Variants in LINC00237 observed in about 807,000 individuals in gnomAD.
LINC00237 encodes long intergenic non-protein coding RNA 237.
At chr20:21,100,463 G>A (rs2030916125) in intron 1 of LINC00237, among the ~76,000 whole-genome samples, 1 of 152,254 alleles carries the variant, frequency 6.6e-6, no homozygotes, top group African/African-American at 2.4e-5. Context: ...CTAGGGGCCC[G>A]GCGTGGAAGC....
At position 21,101,075 on chromosome 20, in the gene LINC00237, C is replaced by T. The variant is rs1306762646; in HGVS notation, n.88+5196G>A. ...GCCCCACCGAGAGCCGCTGAATGGG[C>T]GTGATTAGCATGTGAAAAGGCGAGC... is the stretch of plus-strand genomic sequence containing the variant. On this transcript the variant is annotated intron_variant and non_coding_transcript_variant, in intron 1 of 3. Transcript: ENST00000691244. This position sits in a 1 kb window ranked among gnomAD's most constrained non-coding sequence, Gnocchi z 4.3. Among the ~76,000 whole-genome samples, 2 of 152,074 alleles carry T rather than the reference C, an allele frequency of 1.3e-5. No individual in the cohort carries two copies. Among genetic ancestry groups the T allele is most frequent in the African/African-American group, 4.8e-5 (2 of 41,408 alleles).
At chr20:21,097,015 T>A (rs2030867230) in intron 1 of LINC00237, among the ~76,000 whole-genome samples, 1 of 152,146 alleles carries the variant, frequency 6.6e-6, no homozygotes, top group Admixed American at 6.5e-5. Context: ...TATGTGACAC[T>A]CAACCTGTCG....
intron 2 of LINC00237, among the ~76,000 whole-genome samples, chr20:21,091,660 CT>C (rs1384706288): frequency 1.3e-5 from 2 of 152,174 alleles, no homozygotes; most frequent in African/African-American, 4.8e-5. Context: ...CAACCAAATA[CT>C]AAAAAGGGGT....
rs1414595863 is a variant in LINC00237 at position 21,101,716 on chromosome 20, GCCT to G, written n.88+4552_88+4554del. On this transcript the variant is annotated intron_variant and non_coding_transcript_variant, in intron 1 of 3. Coordinates refer to ENST00000691244, the Ensembl canonical transcript of LINC00237. The surrounding 1 kb of genome is among the most constrained non-coding windows in gnomAD (Gnocchi z 4.3). ...CTTCGAATTTAACCGCCCAGTGCCT[GCCT>G]CCTGGAAAAGCTGTCACGATTGGGC... Among the ~76,000 whole-genome samples the G allele has an allele frequency of 6.6e-6, 1 of 152,272 alleles. No individual in the cohort carries two copies. Among genetic ancestry groups the G allele is most frequent in the African/African-American group, 2.4e-5 (1 of 41,486 alleles).
intron 3 of LINC00237, chr20:21,087,718 A>G (rs1462872471): frequency 2.0e-5 from 3 of 152,330 alleles, no homozygotes; most frequent in Non-Finnish European, 4.4e-5. Context: ...TTCTTAAATT[A>G]CCATTTCTTA....
chr20:21,097,127 C>T (rs1178863468), intron 1 of LINC00237, among the ~76,000 whole-genome samples: 1 of 152,184 alleles, frequency 6.6e-6, no homozygotes, highest in Non-Finnish European at 1.5e-5. Context: ...AGAACCTGAA[C>T]TTGCTTCTGT....
At chr20:21,106,342 C>A (rs1318503260) in exon 1 of LINC00237, 1 of 152,246 alleles carries the variant, frequency 6.6e-6, no homozygotes, top group Admixed American at 6.5e-5. Flanking sequence ...GGGCTCCGCG[C>A]GCAGCCCAGT....
At chr20:21,085,994 C>T (rs1216025010) in intron 3 of LINC00237, among the ~76,000 whole-genome samples, 2 of 152,166 alleles carry the variant, frequency 1.3e-5, no homozygotes, top group Admixed American at 1.3e-4. Flanking sequence ...GGAGATTAGC[C>T]CTGGTGGAAG....
intron 3 of LINC00237, among the ~76,000 whole-genome samples, chr20:21,087,328 T>A (rs2030726626): frequency 6.6e-6 from 1 of 152,094 alleles, no homozygotes; most frequent in South Asian, 2.1e-4. Context: ...TAGAGAGCCA[T>A]GGCATGGATG....
intron 1 of LINC00237, among the ~76,000 whole-genome samples, chr20:21,099,588 C>T (rs1243695627): frequency 6.6e-6 from 1 of 152,154 alleles, no homozygotes; most frequent in Admixed American, 6.5e-5. Flanking sequence ...AGCCCCACTC[C>T]CCAACATATT....
intron 1 of LINC00237, among the ~76,000 whole-genome samples, chr20:21,104,915 T>G (rs1280103151): frequency 6.6e-6 from 1 of 152,226 alleles, no homozygotes; most frequent in Non-Finnish European, 1.5e-5. Flanking sequence ...CCCATTTGGT[T>G]GTTCATGATT....
At chr20:21,102,184 T>C (rs2030941553) in intron 1 of LINC00237, among the ~76,000 whole-genome samples, 1 of 152,208 alleles carries the variant, frequency 6.6e-6, no homozygotes, top group Admixed American at 6.5e-5. Context: ...CGGCTCCGCG[T>C]CCCCACTTCA....
At chr20:21,092,082 T>C (rs1260397618) in intron 2 of LINC00237, among the ~76,000 whole-genome samples, 1 of 152,130 alleles carries the variant, frequency 6.6e-6, no homozygotes, top group Non-Finnish European at 1.5e-5. Flanking sequence ...CTCGTCAGGG[T>C]GCTTCAACTC....
At chr20:21,094,863 A>C (rs1293313197) in intron 1 of LINC00237, among the ~76,000 whole-genome samples, 2 of 152,224 alleles carry the variant, frequency 1.3e-5, no homozygotes, top group African/African-American at 2.4e-5. Flanking sequence ...CAGCCTGGCC[A>C]ATGTGGCAAA....
At position 21,104,337 on chromosome 20, in the gene LINC00237, G is replaced by T. The variant is rs149431184; in HGVS notation, n.88+1934C>A. ...AAAAGCGGCATGCGGGAACCAGAGC[G>T]TTGGCCTTTGGTCAGGTCAGTACCC... On this transcript the variant is annotated intron_variant and non_coding_transcript_variant, in intron 1 of 3. Coordinates refer to ENST00000691244, the Ensembl canonical transcript of LINC00237. 3.1e-3 allele frequency among the ~76,000 whole-genome samples: 469 copies of T among 152,374 alleles called. 2 individuals are homozygous for T. The highest frequency in any genetic ancestry group is 0.011 in the African/African-American group (457 of 41,586).
chr20:21,094,885 A>T lies in LINC00237; in HGVS notation n.89-1033T>A, dbSNP rs138912843. 3.3e-5 allele frequency among the ~76,000 whole-genome samples: 5 copies of T among 152,280 alleles called. No individual in the cohort carries two copies. In the East Asian group the frequency reaches 9.6e-4, roughly 29 times the overall value. The stretch of plus-strand genomic sequence containing the variant: ...GCCAATGTGGCAAAACCCCATCTGT[A>T]CTAAAAATACAAAAAATTAGCTGGG... On this transcript the variant is annotated intron_variant and non_coding_transcript_variant, in intron 1 of 3. Transcript: ENST00000691244.
rs142786504 is a variant in LINC00237 at position 21,092,236 on chromosome 20, C to T, written n.472+1233G>A. Among the ~76,000 whole-genome samples the T allele has an allele frequency of 1.2e-3, 186 of 152,148 alleles. 2 individuals carry two copies. The highest frequency in any genetic ancestry group is 4.1e-3 in the African/African-American group (172 of 41,512). On this transcript the variant is annotated intron_variant and non_coding_transcript_variant, in intron 2 of 3. Transcript: ENST00000691244. ...TGGAAGGATTACTCTTGGTTTATTT[C>T]GGGGGGTACTATTGCACGAGAAGCT...
At chr20:21,103,054 T>C (rs766775059) in intron 1 of LINC00237, among the ~76,000 whole-genome samples, 6 of 152,138 alleles carry the variant, frequency 3.9e-5, no homozygotes, top group Non-Finnish European at 7.4e-5. Context: ...CGCATTGGTG[T>C]GCAGAGTGTA....
rs2030929794 is a variant in LINC00237 at position 21,101,414 on chromosome 20, C to G, written n.88+4857G>C. ...GCTCCCGGGCGGACTCAAGACTTCA[C>G]CCAGCGCTGGAGGTCGACCTTAATT... is the stretch of plus-strand genomic sequence containing the variant. On this transcript the variant is annotated intron_variant and non_coding_transcript_variant, in intron 1 of 3. Coordinates refer to ENST00000691244, the Ensembl canonical transcript of LINC00237. The surrounding 1 kb of genome is among the most constrained non-coding windows in gnomAD (Gnocchi z 4.3). The G allele has an allele frequency of 6.6e-6, 1 of 152,330 alleles. No individual in the cohort carries two copies. Among genetic ancestry groups the G allele is most frequent in the African/African-American group, 2.4e-5 (1 of 41,456 alleles). 9.4% of individuals were successfully genotyped at this position (152,330 alleles called of 1,614,324 possible). A position where few individuals can be genotyped will look rare whatever the true frequency, so the allele number is the denominator to read the frequency against.
Sources: allele counts gnomAD v4.1 joint callset (sites outside exome capture counted in the v4.1 genomes callset), GRCh38; gene constraint gnomAD v4.1.1; non-coding constraint Gnocchi (gnomAD v3.1); transcripts MANE v1.5; gene names NCBI Gene and HGNC (gene_info 2026-07-23, HGNC 2026-07-21).